The following MAN1C1 variants were observed in gnomAD, a reference collection of about 807,000 sequenced individuals.
MAN1C1 encodes the protein mannosyl-oligosaccharide 1,2-alpha-mannosidase IC.
Under a neutral mutation model 71.5 loss-of-function variants are expected in MAN1C1, and 49 were observed. That is an observed-to-expected ratio of 0.69 (90% CI 0.54 to 0.87). The LOEUF (loss-of-function observed/expected upper bound fraction) is 0.87. Ranked by LOEUF, MAN1C1 falls within the 40% of genes least tolerant of loss-of-function variation. The pLI is 0.00. For synonymous variants in MAN1C1, 352 were observed against 343.7 expected (o/e 1.02, Z -0.27); for missense variants, 743 against 835.0 (o/e 0.89, Z 1.36).
rs1331688218 is a variant in MAN1C1 at position 25,725,435 on chromosome 1, C to A, written c.638-21233C>A. ...CAGAGGAAGGAGCCACTGATTCTGC[C>A]TCTGGGAACTTCACAGAGCAGGTTA... On this transcript the variant is annotated intron_variant, in intron 2 of 11. Transcript: ENST00000374332. The surrounding 1 kb of genome is among the most constrained non-coding windows in gnomAD (Gnocchi z 4.8). Among the ~76,000 whole-genome samples, 1 of 152,198 alleles carries A rather than the reference C, an allele frequency of 6.6e-6. No individual in the cohort carries two copies. The highest frequency in any genetic ancestry group is 1.9e-4 in the East Asian group (1 of 5,200).
intron 2 of MAN1C1, among the ~76,000 whole-genome samples, chr1:25,708,273 G>C (rs2046552969): frequency 6.6e-6 from 1 of 152,152 alleles, no homozygotes; most frequent in South Asian, 2.1e-4. Flanking sequence ...CCCTTTTTTA[G>C]ACCATATATG....
At position 25,618,470 on chromosome 1, in the gene MAN1C1, A is replaced by G; in HGVS notation, c.540+133A>G. 3 of 807,238 alleles carry G rather than the reference A, an allele frequency of 3.7e-6. No homozygotes were observed. In the South Asian group the frequency reaches 5.2e-5, roughly 14 times the overall value. 50.0% of individuals were successfully genotyped at this position (807,238 alleles called of 1,614,324 possible). ...GTCTACTTCTGGCCCTGCAGACTGC[A>G]CTTTGCACCTTCCCCTTTCCTCCCA... On this transcript the variant is annotated intron_variant, in intron 1 of 11. Transcript: ENST00000374332.
At chr1:25,757,878 C>T (rs943936013) in intron 5 of MAN1C1, among the ~76,000 whole-genome samples, 5 of 152,238 alleles carry the variant, frequency 3.3e-5, no homozygotes, top group African/African-American at 1.2e-4. Flanking sequence ...TGATCTCAGG[C>T]AGGGGACATC....
intron 5 of MAN1C1, among the ~76,000 whole-genome samples, chr1:25,755,569 C>T (rs1315743111): frequency 3.3e-5 from 5 of 152,208 alleles, no homozygotes; most frequent in Non-Finnish European, 4.4e-5. Context: ...TCAGGCATCA[C>T]GTGAGCACGT....
intron 1 of MAN1C1, among the ~76,000 whole-genome samples, chr1:25,672,976 G>A (rs2046012747): frequency 6.6e-6 from 1 of 152,138 alleles, no homozygotes; most frequent in African/African-American, 2.4e-5. Flanking sequence ...TTGGAGAAAG[G>A]ATGGGGGTGA....
chr1:25,691,177 C>T (rs1009208075), intron 2 of MAN1C1, among the ~76,000 whole-genome samples: 2 of 152,080 alleles, frequency 1.3e-5, no homozygotes, highest in African/African-American at 2.4e-5. Context: ...ATTAGCTGGA[C>T]GTGGTGACAT....
chr1:25,643,256 T>TAA (rs1466917845), intron 1 of MAN1C1, among the ~76,000 whole-genome samples: 69 of 149,990 alleles, frequency 4.6e-4, no homozygotes, highest in African/African-American at 1.3e-3. Context: ...ATTAATTAAT[T>TAA]TATTTACTTA....
chr1:25,746,567 C>A lies in MAN1C1; in HGVS notation c.638-101C>A. ...CCTGAGGCCAGCCTTTGCCACCAAGCCTGCGCTGGCATTGGAGGGGCCCTG... is the reference window on the plus strand; with the variant it reads ...CCTGAGGCCAGCCTTTGCCACCAAGACTGCGCTGGCATTGGAGGGGCCCTG... On this transcript the variant is annotated intron_variant, in intron 2 of 11. Coordinates refer to ENST00000374332, the MANE Select transcript of MAN1C1 (RefSeq NM_020379.4). This position sits in a 1 kb window ranked among gnomAD's most constrained non-coding sequence, Gnocchi z 4.0. The A allele has an allele frequency of 1.1e-6, 1 of 923,180 alleles. No individual in the cohort carries two copies. Among genetic ancestry groups the A allele is most frequent in the Non-Finnish European group, 1.7e-6 (1 of 574,292 alleles). The allele number at this position is 923,180 out of a possible 1,614,324, so 57.2% of individuals were successfully genotyped here. A position where few individuals can be genotyped will look rare whatever the true frequency, so the allele number is the denominator to read the frequency against.
At chr1:25,662,787 C>A (rs1027509575) in intron 1 of MAN1C1, among the ~76,000 whole-genome samples, 32 of 152,130 alleles carry the variant, frequency 2.1e-4, no homozygotes, top group African/African-American at 6.8e-4. Flanking sequence ...TTAGGCCGGG[C>A]ACGGTGGCTC....
intron 2 of MAN1C1, among the ~76,000 whole-genome samples, chr1:25,739,233 AG>A (rs2047024084): frequency 6.6e-6 from 1 of 152,154 alleles, no homozygotes; most frequent in South Asian, 2.1e-4. Flanking sequence ...GAGCCATGGG[AG>A]GTGTGTCAGT....
chr1:25,692,002 G>A (rs1002682536), intron 2 of MAN1C1, among the ~76,000 whole-genome samples: 6 of 152,194 alleles, frequency 3.9e-5, no homozygotes, highest in Admixed American at 6.5e-5. Flanking sequence ...ACAGAGTCCT[G>A]GAATGTCACC....
chr1:25,633,549 TCA>T (rs2045415432), intron 1 of MAN1C1, among the ~76,000 whole-genome samples: 1 of 148,056 alleles, frequency 6.8e-6, no homozygotes, highest in African/African-American at 2.5e-5. Context: ...TTTTTTTTTT[TCA>T]CTGTTGTTGC....
rs1041948928 is a variant in MAN1C1, at chr1:25,618,326, A to G, written c.529A>G (p.Lys177Glu). Reference protein sequence around the residue: ...PQSQVRAQREKIKEMMQFAWQ... With the variant: ...PQSQVRAQREEIKEMMQFAWQ... ...GAGCCAAGTGCGAGCCCAGCGGGAG[A>G]AAATCAAGGAGGTATGGACTCAGCC... The change falls in exon 1 of 12, where the codon AAA becomes GAA. Residue 177 changes from lysine to glutamate, a missense_variant. Transcript: ENST00000374332. The G allele has an allele frequency of 1.2e-6, 2 of 1,600,456 alleles. No homozygotes were observed. The highest frequency in any genetic ancestry group is 1.7e-6 in the Non-Finnish European group (2 of 1,175,714).
intron 2 of MAN1C1, among the ~76,000 whole-genome samples, chr1:25,688,945 G>A (rs115482291): frequency 0.03 from 4,560 of 152,254 alleles, 75 homozygotes; most frequent in Middle Eastern, 0.065. Context: ...AGGGAGCCCT[G>A]TCATCCAGTA....
intron 6 of MAN1C1, among the ~76,000 whole-genome samples, chr1:25,762,427 C>T (rs2047373733): frequency 7.1e-6 from 1 of 140,640 alleles, no homozygotes; most frequent in Non-Finnish European, 1.5e-5. Context: ...CTAACCTATA[C>T]TATACCACAT....
At chr1:25,715,129 T>G (rs1244246071) in intron 2 of MAN1C1, among the ~76,000 whole-genome samples, 2 of 152,164 alleles carry the variant, frequency 1.3e-5, no homozygotes, top group African/African-American at 4.8e-5. Flanking sequence ...GTACAACAAC[T>G]TTAGCCTGCC....
At chr1:25,636,501 A>G (rs1349726872) in intron 1 of MAN1C1, among the ~76,000 whole-genome samples, 1 of 152,206 alleles carries the variant, frequency 6.6e-6, no homozygotes, top group East Asian at 1.9e-4. Context: ...GGCTCTCTGC[A>G]AGAAGAAAAA....
In MAN1C1 at chr1:25,626,647, T is replaced by C. The variant is rs2045298909; in HGVS notation, c.540+8310T>C. 2.0e-5 allele frequency among the ~76,000 whole-genome samples: 3 copies of C among 152,166 alleles called. No homozygotes were observed. The South Asian group carries it at 6.2e-4, about 32-fold the overall frequency. On this transcript the variant is annotated intron_variant, in intron 1 of 11. Coordinates refer to ENST00000374332, the MANE Select transcript of MAN1C1 (RefSeq NM_020379.4). The stretch of plus-strand genomic sequence containing the variant: ...TGCTGGGATTACAGGTGTGAGCCAC[T>C]GCGCCCGGCCGTTTATTTGCTGTTT...
chr1:25,768,813 A>G (rs559177237), intron 7 of MAN1C1, among the ~76,000 whole-genome samples: 17 of 142,456 alleles, frequency 1.2e-4, no homozygotes, highest in African/African-American at 4.5e-4. Context: ...GCGCTCACAC[A>G]TATCCACACT....
Sources: allele counts gnomAD v4.1 joint callset (sites outside exome capture counted in the v4.1 genomes callset), GRCh38; gene constraint gnomAD v4.1.1; non-coding constraint Gnocchi (gnomAD v3.1); transcripts MANE v1.5; gene names NCBI Gene and HGNC (gene_info 2026-07-23, HGNC 2026-07-21).